MAP2: variants seen among roughly 807,000 people sequenced by gnomAD.
MAP2 encodes microtubule-associated protein 2.
MAP2 carries 14 observed loss-of-function variants against 137.6 expected under a neutral mutation model. That is an observed-to-expected ratio of 0.10 (90% CI 0.07 to 0.16). The LOEUF (loss-of-function observed/expected upper bound fraction) is 0.16, where lower values mean the gene tolerates loss of function less well. Ranked by LOEUF, MAP2 falls within the 10% of genes least tolerant of loss-of-function variation. The pLI is 1.00. For synonymous variants in MAP2, 786 were observed against 782.3 expected, an observed-to-expected ratio of 1.00 and a Z score of -0.08; for missense variants, 2,088 against 2,191.5, an observed-to-expected ratio of 0.95 and a Z score of 0.94.
chr2:209,539,395 G>A (rs2066509061), intron 2 of MAP2, among the ~76,000 whole-genome samples: 2 of 152,154 alleles, frequency 1.3e-5, no homozygotes, highest in Admixed American at 1.3e-4. Flanking sequence ...CCTAATTTAT[G>A]ACATGAGTCA....
At chr2:209,674,491 T>C (rs536529977) in intron 5 of MAP2, among the ~76,000 whole-genome samples, 52 of 151,792 alleles carry the variant, frequency 3.4e-4, no homozygotes, top group Non-Finnish European at 6.3e-4. Flanking sequence ...ATACATTTCA[T>C]AGTATGAAAT....
At position 209,693,720 on chromosome 2, in the gene MAP2, T is replaced by C. The variant is rs369903670; in HGVS notation, c.1550T>C (p.Leu517Pro). Reference sequence around the variant, plus strand: ...GATTCAGCCATGACCTCTAAAACACTGGAGAAAGCCATGACCGAACCATCT... The same window carrying C: ...GATTCAGCCATGACCTCTAAAACACCGGAGAAAGCCATGACCGAACCATCT... Reference protein sequence around the residue: ...VTDSAMTSKTLEKAMTEPSAL... With the variant: ...VTDSAMTSKTPEKAMTEPSAL... The change falls in exon 8 of 16, where the codon CTG becomes CCG. Residue 517 changes from leucine (L) to proline (P), a missense_variant. Coordinates refer to ENST00000682079, the MANE Select transcript of MAP2 (RefSeq NM_001375505.1). The C allele has an allele frequency of 2.9e-5, 46 of 1,613,168 alleles. No homozygotes were observed. In the East Asian group the frequency reaches 5.3e-4, roughly 19 times the overall value.
chr2:209,558,894 G>A (rs1047123385), intron 2 of MAP2, among the ~76,000 whole-genome samples: 2 of 151,780 alleles, frequency 1.3e-5, no homozygotes, highest in African/African-American at 2.4e-5. Context: ...ATTTTTTGGG[G>A]AAATAACCAA....
At chr2:209,576,798 C>T (rs574612353) in intron 2 of MAP2, among the ~76,000 whole-genome samples, 63 of 152,172 alleles carry the variant, frequency 4.1e-4, no homozygotes, top group South Asian at 3.3e-3. Context: ...TCTCAATTGT[C>T]GGTTGTCTTG....
At chr2:209,563,479 C>A (rs1447826900) in intron 2 of MAP2, among the ~76,000 whole-genome samples, 3 of 151,960 alleles carry the variant, frequency 2.0e-5, no homozygotes, top group African/African-American at 7.3e-5. Flanking sequence ...TCCACGAGAA[C>A]AACCCTCCTT....
intron 2 of MAP2, among the ~76,000 whole-genome samples, chr2:209,541,851 G>A (rs2067103813): frequency 6.6e-6 from 1 of 152,108 alleles, no homozygotes. Context: ...CTGAAGTCTT[G>A]AACCCCTCAA....
At chr2:209,425,760 C>A (rs1240035111) in intron 1 of MAP2, among the ~76,000 whole-genome samples, 1 of 152,194 alleles carries the variant, frequency 6.6e-6, no homozygotes, top group Admixed American at 6.5e-5. Flanking sequence ...TATGTCATTT[C>A]ACTGTGGACA....
intron 2 of MAP2, among the ~76,000 whole-genome samples, chr2:209,560,065 G>A (rs2071646294): frequency 1.3e-5 from 2 of 152,184 alleles, no homozygotes. Context: ...TAGGAGGTAG[G>A]ATATATGTGA....
intron 1 of MAP2, among the ~76,000 whole-genome samples, chr2:209,487,159 G>A (rs2058493311): frequency 6.6e-6 from 1 of 152,160 alleles, no homozygotes; most frequent in African/African-American, 2.4e-5. Flanking sequence ...ATTAAATTAT[G>A]TAGAACTTTA....
At chr2:209,682,319 C>T (rs576261596) in intron 7 of MAP2, among the ~76,000 whole-genome samples, 3 of 151,994 alleles carry the variant, frequency 2.0e-5, no homozygotes, top group Non-Finnish European at 2.9e-5. Flanking sequence ...GGTGAAAACC[C>T]GTCTCTACTA....
intron 11 of MAP2, among the ~76,000 whole-genome samples, chr2:209,701,061 A>G (rs2061639501): frequency 6.6e-6 from 1 of 152,038 alleles, no homozygotes; most frequent in Admixed American, 6.6e-5. Context: ...GGCTAAGTTC[A>G]GTTTGTATGC....
rs138306025 is a variant in MAP2, at chr2:209,487,125, T to C, written c.-221-20467T>C. ...TCTGAAGTCAATTCTCATATACCTC[T>C]TTTGGGGATTTGCAATTTTATTTAT... is the stretch of plus-strand genomic sequence containing the variant. On this transcript the variant is annotated intron_variant, in intron 1 of 15. Coordinates refer to ENST00000682079, the MANE Select transcript of MAP2 (RefSeq NM_001375505.1). 2.8e-3 allele frequency among the ~76,000 whole-genome samples: 431 copies of C among 152,294 alleles called. 2 individuals carry two copies. Among genetic ancestry groups the C allele is most frequent in the African/African-American group, 9.8e-3 (407 of 41,558 alleles).
chr2:209,642,587 A>G (rs1349770259), intron 4 of MAP2, among the ~76,000 whole-genome samples: 6 of 152,130 alleles, frequency 3.9e-5, no homozygotes, highest in Non-Finnish European at 8.8e-5. Context: ...ATCATTTGAA[A>G]TTACGTGTTA....
At chr2:209,498,417 C>T (rs756464244) in intron 1 of MAP2, among the ~76,000 whole-genome samples, 1 of 152,166 alleles carries the variant, frequency 6.6e-6, no homozygotes, top group Non-Finnish European at 1.5e-5. Context: ...ATACAAGCTG[C>T]TGGTCTGAGG....
intron 2 of MAP2, among the ~76,000 whole-genome samples, chr2:209,519,908 T>C (rs1280087728): frequency 6.6e-6 from 1 of 152,032 alleles, no homozygotes; most frequent in Non-Finnish European, 1.5e-5. Context: ...TGGAGGGTAG[T>C]TCTGCTCATA....
chr2:209,617,473 G>A (rs2089875397), intron 3 of MAP2, among the ~76,000 whole-genome samples: 1 of 152,110 alleles, frequency 6.6e-6, no homozygotes, highest in Admixed American at 6.5e-5. Context: ...TCAAGGGTGG[G>A]GGATTCTCTC....
rs536064731 is a variant in MAP2 at position 209,685,707 on chromosome 2, A to G, written c.454+4880A>G. On this transcript the variant is annotated intron_variant, in intron 7 of 15. Coordinates refer to ENST00000682079, the MANE Select transcript of MAP2 (RefSeq NM_001375505.1). ...TTGTTCTTTTTGTTGTTTCCTGATT[A>G]GAGTGAAAGTTTTCAGAATAGAAAA... is the stretch of plus-strand genomic sequence containing the variant. 1.4e-4 allele frequency among the ~76,000 whole-genome samples: 22 copies of G among 152,324 alleles called. No homozygotes were observed. The South Asian group carries it at 4.6e-3, about 32-fold the overall frequency.
chr2:209,454,347 A>G (rs1011992676), intron 1 of MAP2, among the ~76,000 whole-genome samples: 1 of 151,994 alleles, frequency 6.6e-6, no homozygotes, highest in Non-Finnish European at 1.5e-5. Flanking sequence ...TGAATATATA[A>G]AGAGAGAGAT....
rs374455573 is a variant in MAP2 at position 209,533,997 on chromosome 2, A to T, written c.-172+26356A>T. Among the ~76,000 whole-genome samples the T allele has an allele frequency of 1.7e-4, 26 of 152,338 alleles. No homozygotes were observed. The East Asian group carries it at 3.5e-3, about 20-fold the overall frequency. On this transcript the variant is annotated intron_variant, in intron 2 of 15. Transcript: ENST00000682079. Reference sequence around the variant, plus strand: ...GAGTGCTGGCTGAAGGAACTAGGGCATCCCAAGAGACCTGGCTTCAAAGGG... The same window carrying T: ...GAGTGCTGGCTGAAGGAACTAGGGCTTCCCAAGAGACCTGGCTTCAAAGGG...
Sources: gnomAD v4.1 joint callset for allele counts (sites outside exome capture counted in the v4.1 genomes callset) on GRCh38, gnomAD v4.1.1 for gene constraint, MANE v1.5 for transcripts, NCBI Gene and HGNC (gene_info 2026-07-23, HGNC 2026-07-21) for gene names.